Variants in CELA2A observed in about 807,000 individuals in gnomAD.
CELA2A encodes chymotrypsin-like elastase family member 2A.
CELA2A carries 31 observed loss-of-function variants against 35.3 expected under a neutral mutation model. The observed-to-expected ratio is 0.88, with a 90% CI of 0.66 to 1.19. CELA2A has a LOEUF of 1.19. CELA2A is among the 50% of genes most tolerant of loss of function. The pLI is 0.00. For synonymous variants in CELA2A, 150 were observed against 149.8 expected (o/e 1.00, Z -0.01); for missense variants, 330 against 352.9 (o/e 0.94, Z 0.52).
chr1:15,466,977 CACCCGCGGGAAGACGGA>C (rs1708525938), intron 6 of CELA2A, among the ~76,000 whole-genome samples: 1 of 152,172 alleles, frequency 6.6e-6, no homozygotes, highest in South Asian at 2.1e-4. Flanking sequence ...CCACATAGAC[CACCCGCGGGAAGACGGA>C]ACCAGTGGGG....
chr1:15,463,379 C>T lies in CELA2A; in HGVS notation c.357-7C>T. On this transcript the variant is annotated splice_region_variant and splice_polypyrimidine_tract_variant and intron_variant, in intron 4 of 7. Coordinates refer to ENST00000359621, the MANE Select transcript of CELA2A (RefSeq NM_033440.3). ...GGTCCTCATGCTTCGCCTCCACACT[C>T]ACCCAGGAACGACATTGCCCTGCTC... The T allele has an allele frequency of 6.2e-7, 1 of 1,613,584 alleles. No individual in the cohort carries two copies.
intron 2 of CELA2A, among the ~76,000 whole-genome samples, chr1:15,461,209 A>G (rs2103301535): frequency 6.6e-6 from 1 of 152,196 alleles, no homozygotes; most frequent in Middle Eastern, 3.4e-3. Flanking sequence ...ACTATAATTC[A>G]AGATGAGATT....
rs1418858005 is a variant in CELA2A at position 15,466,077 on chromosome 1, G to A, written c.572G>A (p.Trp191Ter). The A allele has an allele frequency of 3.1e-6, 5 of 1,614,138 alleles. No individual in the cohort carries two copies. The highest frequency in any genetic ancestry group is 4.2e-6 in the Non-Finnish European group (5 of 1,180,030). The change falls in exon 6 of 8, where the codon TGG (tryptophan) becomes TAG (stop). Residue 191 changes from tryptophan (W) to a stop codon, truncating the protein, a stop_gained. Coordinates refer to ENST00000359621, the MANE Select transcript of CELA2A (RefSeq NM_033440.3). LOFTEE classifies it high-confidence loss of function. ...TATGCCACCTGCTCCAGCTCTGCCT[G>A]GTGGGGCAGCAGCGTGAAAACCAGT... ...VDYATCSSSA[W>*]WGSSVKTSMI...
intron 7 of CELA2A, among the ~76,000 whole-genome samples, chr1:15,470,127 C>A (rs937774456): frequency 2.6e-5 from 4 of 152,146 alleles, no homozygotes; most frequent in East Asian, 1.9e-4. Context: ...TGCCCGGTAA[C>A]GGGTTTCAGA....
chr1:15,458,336 T>C (rs1220095305), intron 2 of CELA2A, among the ~76,000 whole-genome samples: 1 of 149,076 alleles, frequency 6.7e-6, no homozygotes, highest in Non-Finnish European at 1.5e-5. Flanking sequence ...AGAGTCATGG[T>C]GATCCAGTCT....
intron 7 of CELA2A, among the ~76,000 whole-genome samples, chr1:15,471,744 C>A (rs4661631): frequency 0.55 from 83,221 of 151,646 alleles, 24,503 homozygotes; most frequent in East Asian, 0.7. Flanking sequence ...AGGCCCCCTA[C>A]CCTGAAGCCC....
intron 7 of CELA2A, among the ~76,000 whole-genome samples, chr1:15,469,242 C>G (rs1189682874): frequency 1.3e-5 from 2 of 152,114 alleles, no homozygotes; most frequent in Admixed American, 6.5e-5. Flanking sequence ...GCCACCATGC[C>G]TCGTACTGGA....
At chr1:15,462,489 G>A (rs1424380582) in intron 3 of CELA2A, among the ~76,000 whole-genome samples, 1 of 152,134 alleles carries the variant, frequency 6.6e-6, no homozygotes, top group Non-Finnish European at 1.5e-5. Context: ...TAGAGTTTGT[G>A]TTATTATAAC....
At chr1:15,470,717 A>T (rs1346741450) in intron 7 of CELA2A, among the ~76,000 whole-genome samples, 1 of 152,102 alleles carries the variant, frequency 6.6e-6, no homozygotes, top group Non-Finnish European at 1.5e-5. Flanking sequence ...AGTAGCTGGG[A>T]TTACAGGCAC....
At chr1:15,461,943 T>C in intron 3 of CELA2A, 1 of 617,410 alleles carries the variant, frequency 1.6e-6, no homozygotes, top group Non-Finnish European at 3.0e-6. Context: ...GGCCTCTGGA[T>C]CTGGAATTGG....
At chr1:15,462,627 C>T (rs1250054570) in intron 3 of CELA2A, 106 bp from the exon 4 acceptor site, 2 of 1,397,656 alleles carry the variant, frequency 1.4e-6, no homozygotes, top group African/African-American at 1.4e-5. Flanking sequence ...ATCCCCAAGT[C>T]CCATCTAGTG....
At chr1:15,459,510 C>T (rs539747129) in intron 2 of CELA2A, among the ~76,000 whole-genome samples, 1 of 152,240 alleles carries the variant, frequency 6.6e-6, no homozygotes, top group East Asian at 1.9e-4. Flanking sequence ...AGTTCTTTTG[C>T]TTTTCTCACA....
Position 15,461,940 on chromosome 1 carries a change from G to A in CELA2A, c.227+282G>A, listed in dbSNP as rs531164738. ...CTTGGGGAAACTACATGTGGCCTCT[G>A]GATCTGGAATTGGGTTCCCTTGAAC... On this transcript the variant is annotated intron_variant, in intron 3 of 7. Coordinates refer to ENST00000359621, the MANE Select transcript of CELA2A (RefSeq NM_033440.3). The A allele has an allele frequency of 7.4e-4, 457 of 621,338 alleles. 3 individuals are homozygous for A. Among genetic ancestry groups the A allele is most frequent in the South Asian group, 2.1e-3 (137 of 64,348 alleles). The allele number at this position is 621,338 out of a possible 1,614,324, so 38.5% of individuals were successfully genotyped here. A position where few individuals can be genotyped will look rare whatever the true frequency, so the allele number is the denominator to read the frequency against.
chr1:15,460,790 G>A (rs1047355874), intron 2 of CELA2A, among the ~76,000 whole-genome samples: 7 of 151,968 alleles, frequency 4.6e-5, no homozygotes, highest in African/African-American at 1.7e-4. Flanking sequence ...TCCCACCTCA[G>A]CCTTCTGAGT....
At chr1:15,461,445 G>A in intron 2 of CELA2A, 116 bp from the exon 3 acceptor site, 1 of 1,042,912 alleles carries the variant, frequency 9.6e-7, no homozygotes, top group Non-Finnish European at 1.4e-6. Flanking sequence ...TTGTGCACAT[G>A]AGGCGACTGC....
rs1401218849 is a variant in CELA2A at position 15,466,098 on chromosome 1, C to G, written c.593C>G (p.Thr198Ser). The change falls in exon 6 of 8, where the codon ACC (threonine) becomes AGC (serine). Residue 198 changes from threonine (T) to serine (S), a missense_variant. Transcript: ENST00000359621. ...GCCTGGTGGGGCAGCAGCGTGAAAA[C>G]CAGTATGATCTGTGCTGGGGGTGAT... ...SSAWWGSSVKTSMICAGGDGV... is the reference protein window; with the variant it reads ...SSAWWGSSVKSSMICAGGDGV... The G allele has an allele frequency of 6.2e-7, 1 of 1,614,098 alleles. No individual in the cohort carries two copies. Among genetic ancestry groups the G allele is most frequent in the Non-Finnish European group, 8.5e-7 (1 of 1,180,030 alleles).
At chr1:15,465,298 C>G (rs748536735) in intron 5 of CELA2A, among the ~76,000 whole-genome samples, 2 of 151,986 alleles carry the variant, frequency 1.3e-5, no homozygotes, top group Non-Finnish European at 2.9e-5. Context: ...GGGTGAGCAC[C>G]GCGCCCGACC....
intron 2 of CELA2A, 121 bp downstream of exon 2, chr1:15,457,295 C>A: frequency 1.1e-6 from 1 of 903,960 alleles, no homozygotes; most frequent in Non-Finnish European, 1.8e-6. Flanking sequence ...ACTCAGAGAG[C>A]AGCACAGGCA....
chr1:15,457,898 T>A (rs903354814), intron 2 of CELA2A, among the ~76,000 whole-genome samples: 1 of 152,134 alleles, frequency 6.6e-6, no homozygotes, highest in Non-Finnish European at 1.5e-5. Context: ...ATGAAAAAAA[T>A]GTTTTCTTAA....
Sources: gnomAD v4.1 joint callset for allele counts (sites outside exome capture counted in the v4.1 genomes callset) on GRCh38, gnomAD v4.1.1 for gene constraint, MANE v1.5 for transcripts, NCBI Gene and HGNC (gene_info 2026-07-23, HGNC 2026-07-21) for gene names.